Variants in DHTKD1 observed in about 807,000 individuals in gnomAD.
The protein encoded by DHTKD1 is 2-oxoadipate dehydrogenase complex component E1.
In DHTKD1, 78 loss-of-function variants were observed where a neutral mutation model predicts 101.8. That is an observed-to-expected ratio of 0.77 (90% CI 0.64 to 0.93). DHTKD1 has a LOEUF of 0.93. Ranked by LOEUF, DHTKD1 falls within the 40% of genes least tolerant of loss-of-function variation. The probability of loss-of-function intolerance (pLI) is 0.00; values close to 1 mark genes in which losing one functional copy is unlikely to be tolerated. For synonymous variants in DHTKD1, 462 were observed against 450.3 expected (o/e 1.03, Z -0.33); for missense variants, 1,223 against 1,161.7 (o/e 1.05, Z -0.77).
intron 13 of DHTKD1, among the ~76,000 whole-genome samples, chr10:12,115,982 G>A (rs1833410470): frequency 6.6e-6 from 1 of 150,452 alleles, no homozygotes; most frequent in South Asian, 2.1e-4. Flanking sequence ...CCAGGCTGGA[G>A]TGCAATGGCA....
In DHTKD1 at chr10:12,106,226, C is replaced by T; in HGVS notation, c.1897-20C>T. The T allele has an allele frequency of 6.2e-7, 1 of 1,614,046 alleles. No individual in the cohort carries two copies. Among genetic ancestry groups the T allele is most frequent in the Non-Finnish European group, 8.5e-7 (1 of 1,179,902 alleles). The stretch of plus-strand genomic sequence containing the variant: ...CCGTGGCCCTCACATGCAGCGTTTC[C>T]TTCTCTTCTCTGGGATTAGGTCAGC... On this transcript the variant is annotated intron_variant, in intron 10 of 16. Coordinates refer to ENST00000263035, the MANE Select transcript of DHTKD1 (RefSeq NM_018706.7).
rs146296747 is a variant in DHTKD1, at chr10:12,097,743, C to T, written c.1418C>T (p.Thr473Met). 39 of 1,614,150 alleles carry T rather than the reference C, an allele frequency of 2.4e-5. No individual in the cohort carries two copies. The highest frequency in any genetic ancestry group is 2.1e-4 in the African/African-American group (16 of 75,054). Residue 473 changes from threonine (T) to methionine (M), a missense_variant, in exon 8 of 17, where the codon ACG becomes ATG. Transcript: ENST00000263035. ...CACCTCATTGCTGGCGGACTCATGA[C>T]GCAGGAGGAGGTGTCTGAAATAAAA... is the stretch of plus-strand genomic sequence containing the variant. ...AEHLIAGGLM[T>M]QEEVSEIKSS...
rs373210946 is a variant in DHTKD1, at chr10:12,118,625, G to A, written c.2403-124G>A. ...TCTTGATTTCCTGACCTCGTGATCC[G>A]CCCGCCTTGGCCTCCCAAAGTGCTG... is the stretch of plus-strand genomic sequence containing the variant. On this transcript the variant is annotated intron_variant, in intron 14 of 16. Coordinates refer to ENST00000263035, the MANE Select transcript of DHTKD1 (RefSeq NM_018706.7). 6.4e-4 allele frequency: 354 copies of A among 549,066 alleles called. 5 individuals carry two copies. The East Asian group carries it at 6.8e-3, about 11-fold the overall frequency. The allele number at this position is 549,066 out of a possible 1,614,324, so 34.0% of individuals were successfully genotyped here.
rs760356390 is a variant in DHTKD1 at position 12,118,749 on chromosome 10, G to A, written c.2403G>A (p.Lys801=). ...VIGDSSVDPK[K]VKTLVFCSGK... ...CTATTGTTCCTTTTCTGTCCAACAGGGTTAAGACCCTCGTGTTCTGCTCCG... is the reference window on the plus strand; with the variant it reads ...CTATTGTTCCTTTTCTGTCCAACAGAGTTAAGACCCTCGTGTTCTGCTCCG... The change falls in exon 15 of 17, where the codon AAG becomes AAA. Residue 801 remains lysine (K), a splice_region_variant and synonymous_variant. Transcript: ENST00000263035. 2 of 1,554,728 alleles carry A rather than the reference G, an allele frequency of 1.3e-6. No individual in the cohort carries two copies. Among genetic ancestry groups the A allele is most frequent in the East Asian group, 2.4e-5 (1 of 42,428 alleles).
intron 11 of DHTKD1, among the ~76,000 whole-genome samples, chr10:12,106,918 A>G (rs1195057011): frequency 6.7e-6 from 1 of 149,580 alleles, no homozygotes; most frequent in Non-Finnish European, 1.5e-5. Flanking sequence ...CGTGCCCACC[A>G]CCCCCTGTTT....
chr10:12,118,964 A>G (rs754083837), intron 15 of DHTKD1, 46 bp downstream of exon 15: 43 of 1,441,338 alleles, frequency 3.0e-5, no homozygotes, highest in Non-Finnish European at 3.9e-5. Context: ...GATACCCAAA[A>G]CCCATTTCAG....
intron 13 of DHTKD1, among the ~76,000 whole-genome samples, chr10:12,114,188 C>T (rs1045890570): frequency 6.6e-6 from 1 of 151,974 alleles, no homozygotes; most frequent in African/African-American, 2.4e-5. Context: ...CAAAAATATG[C>T]TAGTTTCCAA....
chr10:12,083,957 C>G (rs892960615), intron 2 of DHTKD1, among the ~76,000 whole-genome samples: 1 of 151,856 alleles, frequency 6.6e-6, no homozygotes, highest in Admixed American at 6.6e-5. Context: ...GAGCCTTGCT[C>G]TGTCGCCCAG....
intron 11 of DHTKD1, 150 bp downstream of exon 11, chr10:12,106,546 G>A (rs1487314964): frequency 7.1e-6 from 7 of 986,248 alleles, no homozygotes; most frequent in Admixed American, 2.2e-5. Flanking sequence ...CTGTTATGAC[G>A]GGAGTGTGGC....
In DHTKD1 at chr10:12,100,216, C is replaced by A. The variant is rs1833138164; in HGVS notation, c.1710C>A (p.Asp570Glu). The change falls in exon 9 of 17, where the codon GAC (aspartate) becomes GAA (glutamate). Residue 570 changes from aspartate (D) to glutamate (E), a missense_variant. Asp to Glu is a conservative substitution (Grantham distance 45). Transcript: ENST00000263035. ...AGATGATGGACGGAATCAAGCTAGA[C>A]TGGGCCACCGCGGAAGCTCTTGCCT... ...MEKMMDGIKL[D>E]WATAEALALG... 1 of 1,595,714 alleles carries A rather than the reference C, an allele frequency of 6.3e-7. No individual in the cohort carries two copies. Among genetic ancestry groups the A allele is most frequent in the African/African-American group, 1.4e-5 (1 of 73,406 alleles).
chr10:12,082,108 C>T (rs1451313822), intron 2 of DHTKD1, among the ~76,000 whole-genome samples: 1 of 152,070 alleles, frequency 6.6e-6, no homozygotes, highest in East Asian at 1.9e-4. Flanking sequence ...GCCTGGGCAA[C>T]AGAGTGAGAC....
chr10:12,084,910 G>A (rs544998156), intron 3 of DHTKD1, among the ~76,000 whole-genome samples, 159 bp downstream of exon 3: 1 of 152,064 alleles, frequency 6.6e-6, no homozygotes, highest in African/African-American at 2.4e-5. Flanking sequence ...AATTAGCCAG[G>A]CATGCTGGTG....
intron 10 of DHTKD1, among the ~76,000 whole-genome samples, chr10:12,102,390 C>G (rs1833185054): frequency 6.8e-6 from 1 of 146,600 alleles, no homozygotes; most frequent in Non-Finnish European, 1.5e-5. Flanking sequence ...CACCACTGCA[C>G]TCCAGCCTGG....
chr10:12,077,565 A>C (rs1345554034), intron 1 of DHTKD1, among the ~76,000 whole-genome samples: 2 of 152,202 alleles, frequency 1.3e-5, no homozygotes, highest in African/African-American at 4.8e-5. Flanking sequence ...CTTTTTCATC[A>C]ATCATTCTTC....
rs776630983 is a variant in DHTKD1 at position 12,089,122 on chromosome 10, C to T, written c.854C>T (p.Pro285Leu). ...AHHPLHVTML[P>L]NPSHLEAVNP... is the part of the protein sequence containing the mutation. ...CATCCCCTCCATGTGACAATGTTGC[C>T]CAATCCCTCGCACCTGGAGGCCGTC... The change falls in exon 5 of 17, where the codon CCC becomes CTC. Residue 285 changes from proline (P) to leucine (L), a missense_variant. Physicochemically the swap from Pro to Leu is moderately conservative, Grantham distance 98 (BLOSUM62 -3). Transcript: ENST00000263035. 9 of 1,614,150 alleles carry T rather than the reference C, an allele frequency of 5.6e-6. No individual in the cohort carries two copies. In the South Asian group the frequency reaches 8.8e-5, roughly 16 times the overall value.
Position 12,107,601 on chromosome 10 carries a change from A to G in DHTKD1, c.2048-308A>G, listed in dbSNP as rs1221924266. ...GCTGGCTAATTTTTGTATTTTTAGT[A>G]GAGACGGGGTTTCACCATGTTGGCC... On this transcript the variant is annotated intron_variant, in intron 11 of 16. Transcript: ENST00000263035. This position sits in a 1 kb window ranked among gnomAD's most constrained non-coding sequence, Gnocchi z 4.1. Among the ~76,000 whole-genome samples the G allele has an allele frequency of 6.6e-6, 1 of 151,916 alleles. No homozygotes were observed. Among genetic ancestry groups the G allele is most frequent in the Non-Finnish European group, 1.5e-5 (1 of 67,982 alleles).
chr10:12,074,963 TAAAAATAC>T (rs1274871963), intron 1 of DHTKD1, among the ~76,000 whole-genome samples: 3 of 151,924 alleles, frequency 2.0e-5, no homozygotes, highest in Non-Finnish European at 1.5e-5. Context: ...CCATCTCTAC[TAAAAATAC>T]AAAAATTAGC....
At chr10:12,092,771 A>C (rs61844352) in intron 6 of DHTKD1, among the ~76,000 whole-genome samples, 113,004 of 151,526 alleles carry the variant, frequency 0.75, 42,602 homozygotes, top group South Asian at 0.88. Flanking sequence ...CCATTGCACT[A>C]CAGCGTGGGC....
At chr10:12,084,085 G>A (rs1832864546) in intron 2 of DHTKD1, among the ~76,000 whole-genome samples, 1 of 151,860 alleles carries the variant, frequency 6.6e-6, no homozygotes, top group Non-Finnish European at 1.5e-5. Context: ...ACCATGCCCG[G>A]CTAATTTTTG....
Sources: allele counts gnomAD v4.1 joint callset (sites outside exome capture counted in the v4.1 genomes callset), GRCh38; gene constraint gnomAD v4.1.1; non-coding constraint Gnocchi (gnomAD v3.1); transcripts MANE v1.5; gene names NCBI Gene and HGNC (gene_info 2026-07-23, HGNC 2026-07-21).